MYO5B: variants seen among roughly 807,000 people sequenced by gnomAD.
The protein encoded by MYO5B is unconventional myosin-Vb.
Under a neutral mutation model 229.3 loss-of-function variants are expected in MYO5B, and 143 were observed. That is an observed-to-expected ratio of 0.62 (90% CI 0.54 to 0.72). The LOEUF is 0.72. Among genes scored for constraint, MYO5B ranks in the 30% least tolerant of loss-of-function variants. MYO5B has a pLI of 0.00. For synonymous variants in MYO5B, 918 were observed against 885.2 expected (o/e 1.04, Z -0.66); for missense variants, 2,321 against 2,331.0 (o/e 1.00, Z 0.09).
intron 1 of MYO5B, among the ~76,000 whole-genome samples, chr18:50,066,167 T>A (rs1308445562): frequency 1.3e-5 from 2 of 152,192 alleles, no homozygotes; most frequent in Non-Finnish European, 2.9e-5. Flanking sequence ...AGATGGAGTG[T>A]ATATGGAAGA....
intron 1 of MYO5B, among the ~76,000 whole-genome samples, chr18:50,102,188 G>A (rs1047115129): frequency 6.6e-5 from 10 of 152,012 alleles, no homozygotes; most frequent in African/African-American, 1.2e-4. Context: ...TCATAAGTGG[G>A]GGTTGAACAA....
intron 5 of MYO5B, among the ~76,000 whole-genome samples, chr18:49,995,693 G>A (rs1229662578): frequency 1.3e-5 from 2 of 152,168 alleles, no homozygotes; most frequent in South Asian, 2.1e-4. Context: ...GTAAGGGGAC[G>A]TTTCTCTGCA....
At chr18:50,148,222 C>T (rs1237523918) in intron 1 of MYO5B, among the ~76,000 whole-genome samples, 2 of 150,212 alleles carry the variant, frequency 1.3e-5, no homozygotes, top group South Asian at 2.2e-4. Context: ...AGTCCAGGAC[C>T]AGATGGATTC....
chr18:49,963,965 A>C (rs553817525), intron 10 of MYO5B, among the ~76,000 whole-genome samples: 122 of 152,300 alleles, frequency 8.0e-4, no homozygotes, highest in South Asian at 3.3e-3. Context: ...TTACTTAATT[A>C]ACACAGGTGC....
chr18:50,037,964 C>T (rs983522675), intron 3 of MYO5B, among the ~76,000 whole-genome samples: 4 of 152,164 alleles, frequency 2.6e-5, no homozygotes, highest in African/African-American at 7.2e-5. Flanking sequence ...TTTTATTACA[C>T]CACATCTCAA....
At position 49,904,949 on chromosome 18, in the gene MYO5B, A is replaced by C. The variant is rs917224953; in HGVS notation, c.2415-121T>G. 21 of 1,177,290 alleles carry C rather than the reference A, an allele frequency of 1.8e-5. No homozygotes were observed. The African/African-American group carries it at 2.4e-4, about 14-fold the overall frequency. 72.9% of individuals were successfully genotyped at this position (1,177,290 alleles called of 1,614,324 possible). Reference sequence around the variant, plus strand: ...TCTGTGGCCCTACCTGGACACACCCAGGGGAAACCAACTCTCTTCACCCCT... The same window carrying C: ...TCTGTGGCCCTACCTGGACACACCCCGGGGAAACCAACTCTCTTCACCCCT... On this transcript the variant is annotated intron_variant, in intron 19 of 39. Coordinates refer to ENST00000285039, the MANE Select transcript of MYO5B (RefSeq NM_001080467.3).
chr18:50,024,595 T>G (rs1050512321), intron 4 of MYO5B, among the ~76,000 whole-genome samples: 25 of 152,312 alleles, frequency 1.6e-4, no homozygotes, highest in African/African-American at 6.0e-4. Context: ...ATCTTTTGGC[T>G]GTAAGTACAC....
chr18:49,957,981 C>T (rs1035401222), intron 12 of MYO5B, among the ~76,000 whole-genome samples: 4 of 152,148 alleles, frequency 2.6e-5, no homozygotes, highest in African/African-American at 9.7e-5. Flanking sequence ...GGAGGCAGCT[C>T]CTTCCTCCTC....
At chr18:50,037,021 C>G (rs770165000) in intron 3 of MYO5B, 27 bp from the exon 4 acceptor site, 2 of 1,613,762 alleles carry the variant, frequency 1.2e-6, no homozygotes, top group African/African-American at 2.7e-5. Context: ...TGGTCAGATT[C>G]CGACAGCACA....
intron 16 of MYO5B, among the ~76,000 whole-genome samples, chr18:49,935,918 A>C (rs1012215372): frequency 6.6e-6 from 1 of 152,172 alleles, no homozygotes; most frequent in Non-Finnish European, 1.5e-5. Context: ...TTTCCTGACC[A>C]CTCCAGCAAC....
intron 14 of MYO5B, among the ~76,000 whole-genome samples, chr18:49,940,062 A>T (rs1486593795): frequency 6.6e-6 from 1 of 152,210 alleles, no homozygotes; most frequent in Non-Finnish European, 1.5e-5. Context: ...AGCCTAGTGG[A>T]GTATTTACTG....
intron 39 of MYO5B, among the ~76,000 whole-genome samples, chr18:49,833,547 C>T (rs2023950443): frequency 6.6e-6 from 1 of 152,320 alleles, no homozygotes; most frequent in South Asian, 2.1e-4. Context: ...GGCTTAACCT[C>T]CATTATATTT....
chr18:49,831,508 C>T (rs962394315), intron 39 of MYO5B, among the ~76,000 whole-genome samples: 2 of 152,070 alleles, frequency 1.3e-5, no homozygotes, highest in South Asian at 2.1e-4. Context: ...AATAGGCACA[C>T]GAAAAGATGC....
intron 14 of MYO5B, among the ~76,000 whole-genome samples, chr18:49,939,289 G>A (rs192423411): frequency 1.3e-4 from 19 of 151,874 alleles, no homozygotes; most frequent in Non-Finnish European, 8.8e-5. Flanking sequence ...GGGACTGCAG[G>A]CGTGCACTAC....
intron 1 of MYO5B, among the ~76,000 whole-genome samples, chr18:50,106,398 G>A (rs2031760700): frequency 6.6e-6 from 1 of 152,094 alleles, no homozygotes; most frequent in Non-Finnish European, 1.5e-5. Flanking sequence ...CTGTTCTTGG[G>A]ACCCAAGTCC....
At chr18:49,983,276 C>T (rs2025836027) in intron 8 of MYO5B, among the ~76,000 whole-genome samples, 1 of 152,180 alleles carries the variant, frequency 6.6e-6, no homozygotes, top group Non-Finnish European at 1.5e-5. Flanking sequence ...GAAGACAATT[C>T]CCTTTCTGGT....
At chr18:49,917,842 G>A (rs575437367) in intron 17 of MYO5B, among the ~76,000 whole-genome samples, 1 of 152,176 alleles carries the variant, frequency 6.6e-6, no homozygotes, top group Non-Finnish European at 1.5e-5. Flanking sequence ...TTCTTCACCT[G>A]GAGTGCCTCT....
chr18:50,068,587 G>A (rs775240164), intron 1 of MYO5B, among the ~76,000 whole-genome samples: 36 of 152,286 alleles, frequency 2.4e-4, no homozygotes, highest in Admixed American at 7.2e-4. Context: ...AGAAAAGGAA[G>A]CACGCTGGTT....
At chr18:49,872,254 GA>G in intron 26 of MYO5B, 22 bp from the exon 27 acceptor site, 2 of 1,612,274 alleles carry the variant, frequency 1.2e-6, no homozygotes, top group Non-Finnish European at 1.7e-6. Flanking sequence ...GAGACACAAA[GA>G]TAAGTGCAGA....
Sources: allele counts gnomAD v4.1 joint callset (sites outside exome capture counted in the v4.1 genomes callset), GRCh38; gene constraint gnomAD v4.1.1; transcripts MANE v1.5; gene names NCBI Gene and HGNC (gene_info 2026-07-23, HGNC 2026-07-21).